The following XKR9 variants were observed in gnomAD, a reference collection of about 807,000 sequenced individuals.
XKR9 encodes the protein XK-related protein 9.
Under a neutral mutation model 32.0 loss-of-function variants are expected in XKR9, and 32 were observed. That is an observed-to-expected ratio of 1.00 (90% CI 0.76 to 1.34). XKR9 has a LOEUF of 1.34. Among genes scored for constraint, XKR9 ranks in the 40% most tolerant of loss-of-function variants. The pLI, the probability that XKR9 is intolerant of heterozygous loss-of-function variation, is 0.00. For synonymous variants in XKR9, 168 were observed against 143.4 expected, an observed-to-expected ratio of 1.17 and a Z score of -1.22; for missense variants, 546 against 429.7, an observed-to-expected ratio of 1.27 and a Z score of -2.39.
At chr8:70,987,954 G>A in the XKR9 span, among the ~76,000 whole-genome samples, 1 of 152,198 alleles carries the variant, frequency 6.6e-6, no homozygotes, top group African/African-American at 2.4e-5. Context: ...AAGGCCTGGG[G>A]CTTGCACCAT....
the XKR9 span, among the ~76,000 whole-genome samples, chr8:71,041,976 G>A: frequency 6.6e-6 from 1 of 152,176 alleles, no homozygotes; most frequent in South Asian, 2.1e-4. Flanking sequence ...AAACTCCTCT[G>A]AGGAGGAAAT....
At chr8:70,765,563 G>C (rs1807364133) in intron 2 of XKR9, among the ~76,000 whole-genome samples, 1 of 152,100 alleles carries the variant, frequency 6.6e-6, no homozygotes, top group African/African-American at 2.4e-5. Context: ...CTGTTCTGTA[G>C]GTTGCCTGCT....
At chr8:71,050,560 A>G in the XKR9 span, among the ~76,000 whole-genome samples, 10 of 152,072 alleles carry the variant, frequency 6.6e-5, no homozygotes, top group Non-Finnish European at 1.2e-4. Context: ...GTGGAGGAAT[A>G]CTAAGAGATT....
the XKR9 span, among the ~76,000 whole-genome samples, chr8:70,953,357 G>A: frequency 6.6e-6 from 1 of 152,104 alleles, no homozygotes; most frequent in African/African-American, 2.4e-5. Context: ...TGTCACCTAG[G>A]CTGGAGTGCA....
At chr8:70,712,996 T>G (rs1304144941) in intron 4 of XKR9, among the ~76,000 whole-genome samples, 5 of 152,174 alleles carry the variant, frequency 3.3e-5, no homozygotes, top group African/African-American at 4.8e-5. Context: ...CTTGAACTTT[T>G]GGAAATTACC....
chr8:71,023,241 AT>A, the XKR9 span, among the ~76,000 whole-genome samples: 6 of 151,920 alleles, frequency 3.9e-5, no homozygotes, highest in East Asian at 1.2e-3. Flanking sequence ...GTTTCTTCCA[AT>A]TTTTTGGATT....
intron 2 of XKR9, among the ~76,000 whole-genome samples, chr8:70,763,309 A>T (rs1022896978): frequency 1.3e-5 from 2 of 152,166 alleles, no homozygotes; most frequent in Non-Finnish European, 2.9e-5. Flanking sequence ...TTGCTTACTT[A>T]GTTCACATGT....
chr8:70,731,200 C>CT (rs1485345309), intron 4 of XKR9, among the ~76,000 whole-genome samples: 1 of 152,214 alleles, frequency 6.6e-6, no homozygotes, highest in East Asian at 1.9e-4. Context: ...TTCACAAATC[C>CT]TTTTTTCTAT....
chr8:70,858,636 G>A, the XKR9 span, among the ~76,000 whole-genome samples: 1 of 152,032 alleles, frequency 6.6e-6, no homozygotes, highest in Non-Finnish European at 1.5e-5. Flanking sequence ...AATTAAATCA[G>A]CATCACACTG....
chr8:70,813,202 C>G, the XKR9 span, among the ~76,000 whole-genome samples: 6 of 152,298 alleles, frequency 3.9e-5, no homozygotes, highest in East Asian at 9.6e-4. Context: ...AAAGGATTCC[C>G]TATTTAATAA....
the XKR9 span, among the ~76,000 whole-genome samples, chr8:71,060,241 A>C: frequency 6.6e-6 from 1 of 152,222 alleles, no homozygotes; most frequent in South Asian, 2.1e-4. Context: ...TGCTGGGCCC[A>C]GAACCTAGGG....
the XKR9 span, among the ~76,000 whole-genome samples, chr8:70,801,188 C>T: frequency 1.3e-5 from 2 of 151,962 alleles, no homozygotes; most frequent in African/African-American, 4.8e-5. Flanking sequence ...TTCCATTCAA[C>T]TCTGTCTTTT....
At chr8:70,715,888 T>G (rs1806071212) in intron 4 of XKR9, among the ~76,000 whole-genome samples, 1 of 152,142 alleles carries the variant, frequency 6.6e-6, no homozygotes, top group African/African-American at 2.4e-5. Context: ...AGAATTAGGA[T>G]GTTTTGAGAT....
the XKR9 span, among the ~76,000 whole-genome samples, chr8:71,054,122 A>C: frequency 2.6e-5 from 4 of 151,502 alleles, no homozygotes; most frequent in South Asian, 8.3e-4. Flanking sequence ...AGCCCAATCA[A>C]AACAAAGAAT....
intron 2 of XKR9, among the ~76,000 whole-genome samples, chr8:70,775,932 G>T (rs1199333877): frequency 2.0e-5 from 3 of 151,956 alleles, no homozygotes; most frequent in Non-Finnish European, 4.4e-5. Context: ...TTTTTGTCGA[G>T]ATGGGGTCTT....
At chr8:70,757,060 G>A (rs1025606219) in intron 2 of XKR9, among the ~76,000 whole-genome samples, 3 of 152,024 alleles carry the variant, frequency 2.0e-5, no homozygotes, top group African/African-American at 4.8e-5. Flanking sequence ...AAGGGTAATG[G>A]ATTTTTTTTC....
chr8:70,738,263 G>A (rs1210359492), downstream of XKR9, among the ~76,000 whole-genome samples: 2 of 143,628 alleles, frequency 1.4e-5, no homozygotes, highest in Admixed American at 1.4e-4. Flanking sequence ...GTGTAGAGGT[G>A]TTTATAGTAT....
chr8:70,808,331 C>A, the XKR9 span, among the ~76,000 whole-genome samples: 5 of 152,120 alleles, frequency 3.3e-5, no homozygotes, highest in Admixed American at 2.6e-4. Context: ...GGAAGATGGC[C>A]GAATAGGAAC....
intron 2 of XKR9, among the ~76,000 whole-genome samples, chr8:70,768,748 C>T (rs1807412056): frequency 8.4e-6 from 1 of 119,188 alleles, no homozygotes; most frequent in East Asian, 2.0e-4. Flanking sequence ...GATTGAAACC[C>T]CTGCTTTTTT....
Sources: gnomAD v4.1 joint callset for allele counts (sites outside exome capture counted in the v4.1 genomes callset) on GRCh38, gnomAD v4.1.1 for gene constraint, MANE v1.5 for transcripts, NCBI Gene and HGNC (gene_info 2026-07-23, HGNC 2026-07-21) for gene names.